AP3B1: variants seen among roughly 807,000 people sequenced by gnomAD.
AP3B1 encodes the protein adaptor related protein complex 3 subunit beta 1, also known as AP-3 complex subunit beta-1.
Under a neutral mutation model 132.5 loss-of-function variants are expected in AP3B1, and 61 were observed. The ratio of observed to expected loss-of-function variants is 0.46; its 90% CI spans 0.37 to 0.57. The LOEUF is 0.57. Ranked by LOEUF, AP3B1 falls within the 20% of genes least tolerant of loss-of-function variation. The probability of loss-of-function intolerance (pLI) is 0.00; values close to 1 mark genes in which losing one functional copy is unlikely to be tolerated. For missense variants in AP3B1, 1,120 were observed against 1,289.4 expected, an observed-to-expected ratio of 0.87 and a Z score of 2.01; for synonymous variants, 388 against 438.3, an observed-to-expected ratio of 0.89 and a Z score of 1.43.
At chr5:78,206,823 CA>C (rs1311723330) in intron 7 of AP3B1, among the ~76,000 whole-genome samples, 5 of 152,020 alleles carry the variant, frequency 3.3e-5, no homozygotes, top group Non-Finnish European at 7.4e-5. Flanking sequence ...TAAATGCAAT[CA>C]AAAAGACAAA....
chr5:78,261,756 G>GGTT (rs35688641), intron 2 of AP3B1, among the ~76,000 whole-genome samples: 80,604 of 147,278 alleles, frequency 0.55, 21,876 homozygotes, highest in Middle Eastern at 0.61. Context: ...ATGAGCCACC[G>GGTT]GTTGTTGTTT....
At position 78,034,465 on chromosome 5, in the gene AP3B1, A is replaced by G; in HGVS notation, c.2810-20T>C. 6.4e-7 allele frequency: 1 copy of G among 1,564,100 alleles called. No individual in the cohort carries two copies. Among genetic ancestry groups the G allele is most frequent in the Non-Finnish European group, 8.8e-7 (1 of 1,134,766 alleles). On this transcript the variant is annotated intron_variant, in intron 23 of 26. Coordinates refer to ENST00000255194, the MANE Select transcript of AP3B1 (RefSeq NM_003664.5). The stretch of plus-strand genomic sequence containing the variant: ...GAGAGTCTAGGAAATAAGATAATTT[A>G]GACATGAAAACACAGAGGATGTGAA...
intron 20 of AP3B1, among the ~76,000 whole-genome samples, chr5:78,103,363 C>T (rs796808380): frequency 3.3e-5 from 5 of 152,184 alleles, no homozygotes; most frequent in African/African-American, 9.6e-5. Flanking sequence ...TCATGTGCTC[C>T]GCCTGCAAAG....
intron 24 of AP3B1, among the ~76,000 whole-genome samples, chr5:78,030,551 T>C (rs1026445394): frequency 6.6e-6 from 1 of 152,250 alleles, no homozygotes; most frequent in African/African-American, 2.4e-5. Context: ...CTTTGGAAGA[T>C]AATAGGATAT....
chr5:78,209,698 T>A (rs1487032217), intron 7 of AP3B1, among the ~76,000 whole-genome samples: 1 of 152,162 alleles, frequency 6.6e-6, no homozygotes, highest in Non-Finnish European at 1.5e-5. Context: ...CTAAATTGAT[T>A]GAGACCTGGC....
chr5:78,008,405 G>A (rs1580231899), intron 26 of AP3B1, among the ~76,000 whole-genome samples: 1 of 152,282 alleles, frequency 6.6e-6, no homozygotes, highest in East Asian at 1.9e-4. Flanking sequence ...ATGTTTTAAA[G>A]TAAAAATCAG....
In AP3B1 at chr5:78,227,982, A is replaced by C. The variant is rs537909560; in HGVS notation, c.375+162T>G. On this transcript the variant is annotated intron_variant, in intron 4 of 26. Transcript: ENST00000255194. ...ACAGCAAGGTTTCAGTTGGTTGTAT[A>C]AATTATTTTCTAAGTGTACTGAGTA... 8.5e-5 allele frequency among the ~76,000 whole-genome samples: 13 copies of C among 152,334 alleles called. No homozygotes were observed. The South Asian group carries it at 2.7e-3, about 32-fold the overall frequency.
chr5:78,193,770 A>ATATCTATATATATATATATTTTTTT, intron 7 of AP3B1, among the ~76,000 whole-genome samples: 1 of 67,218 alleles, frequency 1.5e-5, no homozygotes, highest in Non-Finnish European at 3.2e-5. Flanking sequence ...ATATATATAT[A>ATATCTATATATATATATATTTTTTT]TTTTTTTTTT....
chr5:78,123,943 C>G (rs927916800), intron 17 of AP3B1, among the ~76,000 whole-genome samples: 1 of 152,152 alleles, frequency 6.6e-6, no homozygotes, highest in Non-Finnish European at 1.5e-5. Flanking sequence ...GACTTGGAAC[C>G]AACACAAATG....
Position 78,216,197 on chromosome 5 carries a change from C to T in AP3B1, c.644G>A (p.Cys215Tyr). 6.2e-7 allele frequency: 1 copy of T among 1,613,948 alleles called. No homozygotes were observed. The highest frequency in any genetic ancestry group is 8.5e-7 in the Non-Finnish European group (1 of 1,179,918). Residue 215 changes from cysteine (C) to tyrosine (Y), a missense_variant, in exon 7 of 27, where the codon TGC becomes TAC. Cys to Tyr is a radical substitution (Grantham distance 194). Around this residue, in one of 3 missense-constraint regions of AP3B1, gnomAD observed 129 missense variants for 212.4 expected, o/e 0.61. Coordinates refer to ENST00000255194, the MANE Select transcript of AP3B1 (RefSeq NM_003664.5). ...ATGAATCAGATCTATTCTGTCCGGG[C>T]ATACTTCTTCAAAAGCCATCACAAC... ...GSVVMAFEEVCPDRIDLIHKN... is the reference protein window; with the variant it reads ...GSVVMAFEEVYPDRIDLIHKN...
At chr5:78,270,465 T>C (rs1381091233) in intron 1 of AP3B1, among the ~76,000 whole-genome samples, 1 of 152,080 alleles carries the variant, frequency 6.6e-6, no homozygotes, top group African/African-American at 2.4e-5. Flanking sequence ...CAATCAGAGA[T>C]ACATGCCCAA....
intron 17 of AP3B1, among the ~76,000 whole-genome samples, chr5:78,127,228 CCA>C (rs1752500336): frequency 6.6e-6 from 1 of 152,002 alleles, no homozygotes; most frequent in African/African-American, 2.4e-5. Context: ...GTAAAGAACC[CCA>C]GTTATCTGAA....
At chr5:78,255,794 C>A (rs925153006) in intron 2 of AP3B1, among the ~76,000 whole-genome samples, 2 of 152,104 alleles carry the variant, frequency 1.3e-5, no homozygotes, top group African/African-American at 4.8e-5. Flanking sequence ...AATATACATT[C>A]TTTTCCTCAA....
chr5:78,193,320 T>A (rs1411289383), intron 7 of AP3B1, among the ~76,000 whole-genome samples: 1 of 152,164 alleles, frequency 6.6e-6, no homozygotes, highest in Admixed American at 6.5e-5. Context: ...TTAAAAGTAA[T>A]CATTCTTATT....
chr5:78,156,286 T>A lies in AP3B1; in HGVS notation c.1445A>T (p.His482Leu). 1 of 1,613,562 alleles carries A rather than the reference T, an allele frequency of 6.2e-7. No homozygotes were observed. Among genetic ancestry groups the A allele is most frequent in the Non-Finnish European group, 8.5e-7 (1 of 1,179,618 alleles). ...GATACTGTCCAGGAGTTTGGCCATATGTTTAATAATTTCACCATGTTGTGC... is the reference window on the plus strand; with the variant it reads ...GATACTGTCCAGGAGTTTGGCCATAAGTTTAATAATTTCACCATGTTGTGC... ...QPAQHGEIIK[H>L]MAKLLDSITV... Residue 482 changes from histidine to leucine, a missense_variant, in exon 14 of 27, where the codon CAT becomes CTT. Coordinates refer to ENST00000255194, the MANE Select transcript of AP3B1 (RefSeq NM_003664.5).
At chr5:78,080,472 C>CTTTTTTT (rs950808310) in intron 22 of AP3B1, among the ~76,000 whole-genome samples, 1 of 117,872 alleles carries the variant, frequency 8.5e-6, no homozygotes, top group Non-Finnish European at 1.9e-5. Flanking sequence ...TTTTCTTTTT[C>CTTTTTTT]TTTTTTTTTT....
chr5:78,247,937 T>A (rs999783573), intron 2 of AP3B1, among the ~76,000 whole-genome samples: 1 of 152,184 alleles, frequency 6.6e-6, no homozygotes, highest in Non-Finnish European at 1.5e-5. Flanking sequence ...CCTTAGAAAA[T>A]TTTTAGTATT....
chr5:78,184,583 G>C (rs781554240), intron 7 of AP3B1, among the ~76,000 whole-genome samples: 1 of 151,802 alleles, frequency 6.6e-6, no homozygotes, highest in Non-Finnish European at 1.5e-5. Context: ...AGCTACTCGG[G>C]AGGCTGAGGC....
At chr5:78,292,588 T>G (rs890774734) in intron 1 of AP3B1, among the ~76,000 whole-genome samples, 4 of 152,148 alleles carry the variant, frequency 2.6e-5, no homozygotes, top group African/African-American at 9.7e-5. Context: ...TCCTCACGTG[T>G]AAAGTGGGAG....
Sources: allele counts gnomAD v4.1 joint callset (sites outside exome capture counted in the v4.1 genomes callset), GRCh38; gene constraint gnomAD v4.1.1; regional missense constraint gnomAD v4.1.1; transcripts MANE v1.5; gene names NCBI Gene and HGNC (gene_info 2026-07-23, HGNC 2026-07-21).